Variants in CSMD1 observed in about 807,000 individuals in gnomAD.
CSMD1 encodes CUB and sushi domain-containing protein 1.
In CSMD1, 213 loss-of-function variants were observed where a neutral mutation model predicts 417.5. That is an observed-to-expected ratio of 0.51 (90% CI 0.46 to 0.57). CSMD1 has a LOEUF of 0.57. Among genes scored for constraint, CSMD1 ranks in the 20% least tolerant of loss-of-function variants. The pLI, the probability that CSMD1 is intolerant of heterozygous loss-of-function variation, is 0.00. For missense variants in CSMD1, 6,923 were observed against 4,529.7 expected (o/e 1.53, Z -15.17); for synonymous variants, 2,862 against 1,736.8 (o/e 1.65, Z -16.11).
chr8:4,367,291 C>A (rs575788085), intron 3 of CSMD1, among the ~76,000 whole-genome samples: 55 of 152,222 alleles, frequency 3.6e-4, no homozygotes, highest in African/African-American at 1.3e-3. Context: ...AGACAGTTTT[C>A]CCAGCTCCAT....
intron 23 of CSMD1, among the ~76,000 whole-genome samples, chr8:3,332,289 G>A (rs193092376): frequency 6.6e-6 from 1 of 152,368 alleles, no homozygotes; most frequent in African/African-American, 2.4e-5. Flanking sequence ...TGCTTTGCAT[G>A]TGAATAAGAC....
In CSMD1 at chr8:4,006,135, A is replaced by T. The variant is rs367899614; in HGVS notation, c.611-8025T>A. Among the ~76,000 whole-genome samples, 7 of 152,300 alleles carry T rather than the reference A, an allele frequency of 4.6e-5. No individual in the cohort carries two copies. In the East Asian group the frequency reaches 9.7e-4, roughly 21 times the overall value. On this transcript the variant is annotated intron_variant, in intron 4 of 69. Transcript: ENST00000635120. The stretch of plus-strand genomic sequence containing the variant: ...GAGGAGACTTGATATTCACATATCA[A>T]CCACAGATGATTTATGTACTGCAAA...
intron 1 of CSMD1, among the ~76,000 whole-genome samples, chr8:4,643,252 T>A (rs1045735363): frequency 2.0e-5 from 3 of 152,204 alleles, no homozygotes; most frequent in Non-Finnish European, 2.9e-5. Flanking sequence ...CTTACATATT[T>A]ATTACACTCA....
At chr8:3,864,331 A>C (rs1253913117) in intron 5 of CSMD1, among the ~76,000 whole-genome samples, 1 of 150,000 alleles carries the variant, frequency 6.7e-6, no homozygotes, top group Admixed American at 6.6e-5. Context: ...AGTTATGGTT[A>C]TGAAAGACGA....
At chr8:4,788,430 G>T in intron 1 of CSMD1, 1 of 1,332,682 alleles carries the variant, frequency 7.5e-7, no homozygotes, top group Non-Finnish European at 1.1e-6. Flanking sequence ...GGTCTTGGCT[G>T]TTCAACCACA....
At chr8:4,089,508 T>A (rs907481085) in intron 3 of CSMD1, among the ~76,000 whole-genome samples, 1 of 152,200 alleles carries the variant, frequency 6.6e-6, no homozygotes, top group African/African-American at 2.4e-5. Context: ...ACACATTCCA[T>A]ATATCCAAGT....
At chr8:4,175,131 G>C (rs950483802) in intron 3 of CSMD1, among the ~76,000 whole-genome samples, 5 of 152,100 alleles carry the variant, frequency 3.3e-5, no homozygotes, top group African/African-American at 7.2e-5. Context: ...CTGAGGAATA[G>C]TGTAAGACCT....
Position 2,955,704 on chromosome 8 carries a change from A to T in CSMD1, c.9879T>A (p.Thr3293=). 1 of 1,613,970 alleles carries T rather than the reference A, an allele frequency of 6.2e-7. No individual in the cohort carries two copies. The highest frequency in any genetic ancestry group is 1.3e-5 in the African/African-American group (1 of 75,044). The change falls in exon 64 of 70, where the codon ACT becomes ACA. Residue 3293 remains threonine, a synonymous_variant. Coordinates refer to ENST00000635120, the MANE Select transcript of CSMD1 (RefSeq NM_033225.6). ...HADVRAIDLP[T]FGYTLVYTCH... is the part of the protein sequence containing the mutation. ...AGGTGTACACTAAGGTGTAGCCGAA[A>T]GTAGGAAGATCGATGGCTCTCACAT...
At chr8:4,901,300 T>G (rs563970386) in intron 1 of CSMD1, among the ~76,000 whole-genome samples, 1 of 152,358 alleles carries the variant, frequency 6.6e-6, no homozygotes, top group South Asian at 2.1e-4. Flanking sequence ...GATAATTTTT[T>G]ATTCCGCTTG....
chr8:4,188,929 C>T (rs1291655595), intron 3 of CSMD1, among the ~76,000 whole-genome samples: 1 of 152,110 alleles, frequency 6.6e-6, no homozygotes, highest in Non-Finnish European at 1.5e-5. Context: ...GGGTTTCTCC[C>T]TCCATGGTTT....
intron 54 of CSMD1, among the ~76,000 whole-genome samples, chr8:2,993,573 T>G (rs1296871580): frequency 6.6e-6 from 1 of 152,176 alleles, no homozygotes; most frequent in Non-Finnish European, 1.5e-5. Context: ...GAAGGATCCA[T>G]CTTTTTTTCA....
chr8:4,814,209 TG>T (rs1314414063), intron 1 of CSMD1, among the ~76,000 whole-genome samples: 41 of 151,148 alleles, frequency 2.7e-4, no homozygotes, highest in Admixed American at 2.5e-3. Context: ...TGTGTGTGTG[TG>T]TGTGTGTGCG....
chr8:3,043,433 G>T (rs1302833461), intron 50 of CSMD1, among the ~76,000 whole-genome samples: 1 of 151,932 alleles, frequency 6.6e-6, no homozygotes, highest in Non-Finnish European at 1.5e-5. Flanking sequence ...AGATGGAACT[G>T]GTGATATAAA....
chr8:4,683,553 G>T (rs1306839632), intron 1 of CSMD1, among the ~76,000 whole-genome samples: 1 of 152,134 alleles, frequency 6.6e-6, no homozygotes, highest in Non-Finnish European at 1.5e-5. Flanking sequence ...GCACCTAGAG[G>T]CACGTTCTAT....
intron 23 of CSMD1, among the ~76,000 whole-genome samples, chr8:3,338,559 C>A (rs1051895368): frequency 6.6e-6 from 1 of 152,162 alleles, no homozygotes; most frequent in Non-Finnish European, 1.5e-5. Flanking sequence ...GTCCCTATTT[C>A]CCTGTCTTTA....
chr8:3,718,860 T>C (rs1801984052), intron 6 of CSMD1, among the ~76,000 whole-genome samples: 1 of 152,126 alleles, frequency 6.6e-6, no homozygotes, highest in Admixed American at 6.5e-5. Flanking sequence ...AGGTGGAATT[T>C]AAAGATTGTT....
chr8:3,472,906 G>A (rs769565186), intron 11 of CSMD1, among the ~76,000 whole-genome samples: 1 of 151,418 alleles, frequency 6.6e-6, no homozygotes, highest in Non-Finnish European at 1.5e-5. Context: ...TATTTTCCTC[G>A]TACTTCTTTG....
intron 26 of CSMD1, among the ~76,000 whole-genome samples, chr8:3,272,127 C>G (rs201783083): frequency 6.8e-6 from 1 of 147,204 alleles, no homozygotes; most frequent in Non-Finnish European, 1.5e-5. Flanking sequence ...AGGAAGGGAT[C>G]CAGTTTCAGC....
intron 52 of CSMD1, among the ~76,000 whole-genome samples, chr8:3,005,037 G>C (rs1337851167): frequency 6.6e-6 from 1 of 152,184 alleles, no homozygotes; most frequent in Non-Finnish European, 1.5e-5. Context: ...TGCTCGGGAG[G>C]CTGAGGCAGA....
Sources: allele counts gnomAD v4.1 joint callset (sites outside exome capture counted in the v4.1 genomes callset), GRCh38; gene constraint gnomAD v4.1.1; transcripts MANE v1.5; gene names NCBI Gene and HGNC (gene_info 2026-07-23, HGNC 2026-07-21).